LRFN5: variants seen among roughly 807,000 people sequenced by gnomAD.
LRFN5 encodes leucine-rich repeat and fibronectin type-III domain-containing protein 5.
A neutral mutation model predicts 45.6 loss-of-function variants in LRFN5; 24 were observed. That is an observed-to-expected ratio of 0.53 (90% CI 0.38 to 0.74). LRFN5 has a LOEUF of 0.74. LRFN5 is among the 30% of genes least tolerant of loss of function. The probability of loss-of-function intolerance (pLI) is 0.00; values close to 1 mark genes in which losing one functional copy is unlikely to be tolerated. For missense variants in LRFN5, 776 were observed against 861.5 expected (o/e 0.90, Z 1.24); for synonymous variants, 340 against 313.8 (o/e 1.08, Z -0.88).
rs1303038283 is a variant in LRFN5 at position 41,608,528 on chromosome 14, C to A, written c.-231C>A. The A allele has an allele frequency of 6.5e-6, 1 of 152,684 alleles. No homozygotes were observed. Among genetic ancestry groups the A allele is most frequent in the Non-Finnish European group, 1.5e-5 (1 of 68,074 alleles). The allele number at this position is 152,684 out of a possible 1,614,324, so 9.5% of individuals were successfully genotyped here. A position where few individuals can be genotyped will look rare whatever the true frequency, so the allele number is the denominator to read the frequency against. On this transcript the variant is annotated 5_prime_UTR_variant, in exon 1 of 6. Transcript: ENST00000298119. The stretch of plus-strand genomic sequence containing the variant: ...GGGATTGTACCTGCAGGCAGAAAGT[C>A]TTCCTACGACCGTCTTTTCCCTTAG...
At chr14:41,723,014 A>G (rs1883789922) in intron 1 of LRFN5, among the ~76,000 whole-genome samples, 1 of 152,184 alleles carries the variant, frequency 6.6e-6, no homozygotes, top group African/African-American at 2.4e-5. Flanking sequence ...CTTGGCCCCA[A>G]GCTCTCTGCA....
intron 1 of LRFN5, among the ~76,000 whole-genome samples, chr14:41,698,614 A>G (rs1882713347): frequency 6.6e-6 from 1 of 152,068 alleles, no homozygotes; most frequent in African/African-American, 2.4e-5. Flanking sequence ...CTGTAGGCAC[A>G]TGGAAGAGAA....
chr14:41,892,107 T>C (rs1370086266), intron 4 of LRFN5, 145 bp downstream of exon 4: 3 of 1,439,940 alleles, frequency 2.1e-6, no homozygotes, highest in South Asian at 1.5e-5. Flanking sequence ...ATGAATGTGA[T>C]GTTTATTCAG....
At chr14:41,872,347 T>C (rs1890047573) in intron 2 of LRFN5, among the ~76,000 whole-genome samples, 1 of 152,216 alleles carries the variant, frequency 6.6e-6, no homozygotes, top group African/African-American at 2.4e-5. Context: ...TCTATAGACA[T>C]ATAGACTTGA....
intron 1 of LRFN5, among the ~76,000 whole-genome samples, chr14:41,612,643 A>T (rs1887795245): frequency 6.6e-6 from 1 of 152,132 alleles, no homozygotes; most frequent in African/African-American, 2.4e-5. Flanking sequence ...CTGGTTGCAG[A>T]GCCCACATTT....
intron 2 of LRFN5, among the ~76,000 whole-genome samples, chr14:41,785,358 T>G (rs1482253439): frequency 6.6e-6 from 1 of 152,144 alleles, no homozygotes; most frequent in Non-Finnish European, 1.5e-5. Context: ...TTTTCTTGCC[T>G]TCTTTGAAAA....
At chr14:41,713,893 C>G (rs1229958232) in intron 1 of LRFN5, among the ~76,000 whole-genome samples, 1 of 151,966 alleles carries the variant, frequency 6.6e-6, no homozygotes, top group Non-Finnish European at 1.5e-5. Flanking sequence ...ATAAATTTTT[C>G]TTAATGTGAG....
At position 41,647,109 on chromosome 14, in the gene LRFN5, C is replaced by T. The variant is rs1372398806; in HGVS notation, c.-197+38547C>T. Among the ~76,000 whole-genome samples, 5 of 152,272 alleles carry T rather than the reference C, an allele frequency of 3.3e-5. No homozygotes were observed. In the East Asian group the frequency reaches 5.8e-4, roughly 18 times the overall value. On this transcript the variant is annotated intron_variant, in intron 1 of 5. Transcript: ENST00000298119. ...CATTAGCCCCAAGTCTTATCAAGTT[C>T]CCCTGATGTTTATATTGTTGGTGTT...
At chr14:41,882,777 C>G (rs1890426502) in intron 2 of LRFN5, among the ~76,000 whole-genome samples, 2 of 150,686 alleles carry the variant, frequency 1.3e-5, no homozygotes, top group South Asian at 4.2e-4. Context: ...CAAGTTATGT[C>G]AGATAGATAC....
At chr14:41,681,037 G>A (rs192100514) in intron 1 of LRFN5, among the ~76,000 whole-genome samples, 5 of 152,026 alleles carry the variant, frequency 3.3e-5, no homozygotes, top group African/African-American at 1.2e-4. Flanking sequence ...AGGGATTAGC[G>A]AGTTTGAATA....
At chr14:41,793,887 C>A (rs1229754283) in intron 2 of LRFN5, among the ~76,000 whole-genome samples, 2 of 152,042 alleles carry the variant, frequency 1.3e-5, no homozygotes, top group African/African-American at 2.4e-5. Context: ...ATGTTCCTTA[C>A]ATACAATATA....
intron 1 of LRFN5, among the ~76,000 whole-genome samples, chr14:41,646,638 A>G (rs1265960135): frequency 4.6e-5 from 7 of 152,148 alleles, no homozygotes; most frequent in Admixed American, 4.6e-4. Context: ...ACATCATTTT[A>G]CTTTTTTTTG....
At chr14:41,883,819 AT>A (rs34115141) in intron 2 of LRFN5, among the ~76,000 whole-genome samples, 2 of 151,870 alleles carry the variant, frequency 1.3e-5, no homozygotes, top group Non-Finnish European at 2.9e-5. Flanking sequence ...GGATTTATAG[AT>A]TTTTTTTAAT....
chr14:41,894,974 A>G (rs778923444), intron 4 of LRFN5: 2 of 976,172 alleles, frequency 2.0e-6, no homozygotes, highest in Middle Eastern at 5.3e-4. Context: ...ATATACATAT[A>G]TATTATTTTT....
intron 2 of LRFN5, among the ~76,000 whole-genome samples, chr14:41,856,422 T>C (rs1016408907): frequency 2.0e-5 from 3 of 152,082 alleles, no homozygotes; most frequent in Non-Finnish European, 4.4e-5. Context: ...GGCTTCTATC[T>C]CTAATAGAGA....
chr14:41,675,156 C>T (rs1293859388), intron 1 of LRFN5, among the ~76,000 whole-genome samples: 2 of 147,582 alleles, frequency 1.4e-5, no homozygotes, highest in East Asian at 2.1e-4. Context: ...ACGTCCCAGA[C>T]GATGGGCAGC....
At chr14:41,828,512 A>C (rs1240928100) in intron 2 of LRFN5, among the ~76,000 whole-genome samples, 2 of 152,052 alleles carry the variant, frequency 1.3e-5, no homozygotes, top group African/African-American at 2.4e-5. Flanking sequence ...CAACATGTTT[A>C]ATACCAAACT....
intron 1 of LRFN5, among the ~76,000 whole-genome samples, chr14:41,656,048 C>T (rs1333841243): frequency 6.6e-6 from 1 of 151,922 alleles, no homozygotes; most frequent in African/African-American, 2.4e-5. Flanking sequence ...AATGCCATTT[C>T]CTTTCAGTGG....
At chr14:41,663,878 TA>T (rs1005740242) in intron 1 of LRFN5, among the ~76,000 whole-genome samples, 6 of 152,050 alleles carry the variant, frequency 3.9e-5, no homozygotes, top group African/African-American at 1.4e-4. Flanking sequence ...ATAGTTTTTT[TA>T]AATGAAAAAC....
Sources: allele counts gnomAD v4.1 joint callset (sites outside exome capture counted in the v4.1 genomes callset), GRCh38; gene constraint gnomAD v4.1.1; transcripts MANE v1.5; gene names NCBI Gene and HGNC (gene_info 2026-07-23, HGNC 2026-07-21).